Variants in CFAP157 observed in about 807,000 individuals in gnomAD.
CFAP157 encodes cilia and flagella associated protein 157, also known as cilia- and flagella-associated protein 157.
Under a neutral mutation model 57.8 loss-of-function variants are expected in CFAP157, and 43 were observed. The observed-to-expected ratio is 0.74, with a 90% CI of 0.58 to 0.96. CFAP157 has a LOEUF of 0.96. Among genes scored for constraint, CFAP157 ranks in the 40% least tolerant of loss-of-function variants. CFAP157 has a pLI of 0.00. For synonymous variants in CFAP157, 267 were observed against 269.0 expected, an observed-to-expected ratio of 0.99 and a Z score of 0.07; for missense variants, 606 against 655.3, an observed-to-expected ratio of 0.92 and a Z score of 0.82.
rs777851864 is a variant in CFAP157, at chr9:127,715,556, C to T, written c.*1651C>T. Reference sequence around the variant, plus strand: ...CCACGCCACTCACCATCCACCGCTTCCCCGGGGGGCGAGGCTCCAAAACAC... The same window carrying T: ...CCACGCCACTCACCATCCACCGCTTTCCCGGGGGGCGAGGCTCCAAAACAC... On this transcript the variant is annotated 3_prime_UTR_variant, in exon 9 of 9. Coordinates refer to ENST00000373295, the MANE Select transcript of CFAP157 (RefSeq NM_001012502.3). This position sits in a 1 kb window ranked among gnomAD's most constrained non-coding sequence, Gnocchi z 5.8. The T allele has an allele frequency of 1.9e-6, 3 of 1,613,554 alleles. No individual in the cohort carries two copies. In the South Asian group the frequency reaches 3.3e-5, roughly 18 times the overall value.
chr9:127,710,726 GAGA>G lies in CFAP157; in HGVS notation c.565_567del (p.Lys189del), dbSNP rs912623993. On this transcript the variant is annotated inframe_deletion, in exon 3 of 9. Coordinates refer to ENST00000373295, the MANE Select transcript of CFAP157 (RefSeq NM_001012502.3). Reference sequence around the variant, plus strand: ...GTTCAGGGACTATGCATACAACCTGGAGAAGAAGTCGGTGCTGGACAAGGACAG... The same window carrying G: ...GTTCAGGGACTATGCATACAACCTGGAGAAGTCGGTGCTGGACAAGGACAG... The G allele has an allele frequency of 1.2e-5, 19 of 1,569,984 alleles. No homozygotes were observed. Among genetic ancestry groups the G allele is most frequent in the South Asian group, 4.7e-5 (4 of 85,432 alleles).
chr9:127,710,477 C>A, intron 2 of CFAP157, 124 bp from the exon 3 acceptor site: 1 of 1,190,368 alleles, frequency 8.4e-7, no homozygotes, highest in Non-Finnish European at 1.2e-6. Context: ...GGTAGACCTG[C>A]CCCACTGAGA....
chr9:127,707,324 C>T (rs548536964), intron 1 of CFAP157, 132 bp downstream of exon 1: 32 of 892,902 alleles, frequency 3.6e-5, no homozygotes, highest in African/African-American at 5.1e-5. Flanking sequence ...GACCCCATCC[C>T]GACCCCAGCC....
chr9:127,709,604 A>G lies in CFAP157; in HGVS notation c.344A>G (p.Glu115Gly). ...LQNLQLAKEM[E>G]KDAFEAQLAQ... ...AACTTGCAGCTAGCCAAAGAGATGG[A>G]GAAGGATGCCTTCGAGGCGCAGCTG... is the stretch of plus-strand genomic sequence containing the variant. Residue 115 changes from glutamate (E) to glycine (G), a missense_variant, in exon 2 of 9, where the codon GAG becomes GGG. By Grantham distance (98) the Glu-to-Gly change is moderately conservative (BLOSUM62 -2). Coordinates refer to ENST00000373295, the MANE Select transcript of CFAP157 (RefSeq NM_001012502.3). The surrounding 1 kb of genome is among the most constrained non-coding windows in gnomAD (Gnocchi z 4.7). 1 of 1,614,024 alleles carries G rather than the reference A, an allele frequency of 6.2e-7. No homozygotes were observed. The highest frequency in any genetic ancestry group is 8.5e-7 in the Non-Finnish European group (1 of 1,180,024).
chr9:127,712,465 C>A, intron 6 of CFAP157, 116 bp downstream of exon 6: 1 of 1,477,404 alleles, frequency 6.8e-7, no homozygotes, highest in Non-Finnish European at 9.1e-7. Context: ...CCCTGAGAGA[C>A]TCCTGGAAAG....
chr9:127,710,733 A>G lies in CFAP157; in HGVS notation c.566A>G (p.Lys189Arg). The change falls in exon 3 of 9, where the codon AAG (lysine) becomes AGG (arginine). Residue 189 changes from lysine (K) to arginine (R), a missense_variant. Coordinates refer to ENST00000373295, the MANE Select transcript of CFAP157 (RefSeq NM_001012502.3). Reference protein sequence around the residue: ...FRDYAYNLEKKSVLDKDRLRK... With the variant: ...FRDYAYNLEKRSVLDKDRLRK... ...GACTATGCATACAACCTGGAGAAGA[A>G]GTCGGTGCTGGACAAGGACAGGTGG... The G allele has an allele frequency of 6.4e-7, 1 of 1,568,560 alleles. No individual in the cohort carries two copies. Among genetic ancestry groups the G allele is most frequent in the South Asian group, 1.2e-5 (1 of 85,292 alleles).
At position 127,714,105 on chromosome 9, in the gene CFAP157, G is replaced by A. The variant is rs1588398226; in HGVS notation, c.*200G>A. ...GGCAGCCATGGCCACTAGTGTCACG[G>A]CCCCAGTGAGGGCCCCTGGCTTCGC... On this transcript the variant is annotated 3_prime_UTR_variant, in exon 9 of 9. Coordinates refer to ENST00000373295, the MANE Select transcript of CFAP157 (RefSeq NM_001012502.3). 2 of 1,612,400 alleles carry A rather than the reference G, an allele frequency of 1.2e-6. No individual in the cohort carries two copies. Among genetic ancestry groups the A allele is most frequent in the Admixed American group, 3.3e-5 (2 of 59,798 alleles).
rs749869899 is a variant in CFAP157, at chr9:127,714,612, C to A, written c.*707C>A. ...CATCTCAGGACCTCACCTGGCACTG[C>A]CCCCCAGCTTCAGAGCCAGTCTCCC... On this transcript the variant is annotated 3_prime_UTR_variant, in exon 9 of 9. Transcript: ENST00000373295. 1.3e-5 allele frequency: 21 copies of A among 1,612,990 alleles called. No homozygotes were observed. Among genetic ancestry groups the A allele is most frequent in the Non-Finnish European group, 1.8e-5 (21 of 1,179,122 alleles).
At chr9:127,707,298 T>A (rs575781726) in intron 1 of CFAP157, 106 bp downstream of exon 1, 1 of 1,221,926 alleles carries the variant, frequency 8.2e-7, no homozygotes, top group Non-Finnish European at 1.1e-6. Flanking sequence ...TGTTCTGACC[T>A]CCCCTGGGAT....
At chr9:127,711,639 G>A in intron 4 of CFAP157, 143 bp downstream of exon 4, 1 of 1,202,758 alleles carries the variant, frequency 8.3e-7, no homozygotes, top group Non-Finnish European at 1.1e-6. Context: ...TGTGGGGGCT[G>A]CAGGGTGCTG....
chr9:127,711,990 C>CT, intron 5 of CFAP157, 40 bp downstream of exon 5: 2 of 1,578,718 alleles, frequency 1.3e-6, no homozygotes, highest in South Asian at 2.3e-5. Flanking sequence ...CGGGTGCAGG[C>CT]TGGGGCCAAG....
chr9:127,714,208 G>A lies in CFAP157; in HGVS notation c.*303G>A. On this transcript the variant is annotated 3_prime_UTR_variant, in exon 9 of 9. Coordinates refer to ENST00000373295, the MANE Select transcript of CFAP157 (RefSeq NM_001012502.3). ...GCAGCTCCTGCTCAGCAGGGGAGAA[G>A]CAGCCCAGCACATGGGCCTGAACCG... 1.2e-6 allele frequency: 2 copies of A among 1,613,970 alleles called. No individual in the cohort carries two copies. Among genetic ancestry groups the A allele is most frequent in the Non-Finnish European group, 1.7e-6 (2 of 1,180,010 alleles).
Position 127,715,972 on chromosome 9 carries a change from C to G in CFAP157, c.*2067C>G. The G allele has an allele frequency of 1.1e-6, 1 of 947,294 alleles. No individual in the cohort carries two copies. The highest frequency in any genetic ancestry group is 1.6e-6 in the Non-Finnish European group (1 of 619,262). 58.7% of individuals were successfully genotyped at this position (947,294 alleles called of 1,614,324 possible). On this transcript the variant is annotated 3_prime_UTR_variant, in exon 9 of 9. Transcript: ENST00000373295. The surrounding 1 kb of genome is among the most constrained non-coding windows in gnomAD (Gnocchi z 5.8). Reference sequence around the variant, plus strand: ...GTCCTTTCCCCGCTGTAGGCCTCAACCTCTCCAGCTAATAAAAGTTTTCTA... The same window carrying G: ...GTCCTTTCCCCGCTGTAGGCCTCAAGCTCTCCAGCTAATAAAAGTTTTCTA...
At chr9:127,708,359 C>G (rs1442404487) in intron 1 of CFAP157, among the ~76,000 whole-genome samples, 1 of 152,110 alleles carries the variant, frequency 6.6e-6, no homozygotes, top group Non-Finnish European at 1.5e-5. Flanking sequence ...CGCCTGTAAT[C>G]CCAGCTACTC....
rs1842966794 is a variant in CFAP157 at position 127,715,814 on chromosome 9, G to C, written c.*1909G>C. On this transcript the variant is annotated 3_prime_UTR_variant, in exon 9 of 9. Transcript: ENST00000373295. The surrounding 1 kb of genome is among the most constrained non-coding windows in gnomAD (Gnocchi z 5.8). Reference sequence around the variant, plus strand: ...GGTGGCCGAGTCCGGGAACCCAGGCGCCTTCAGTAGCGCGGCGTCACAGTG... The same window carrying C: ...GGTGGCCGAGTCCGGGAACCCAGGCCCCTTCAGTAGCGCGGCGTCACAGTG... The C allele has an allele frequency of 3.2e-5, 40 of 1,254,248 alleles. No homozygotes were observed. The South Asian group carries it at 5.3e-4, about 17-fold the overall frequency. 77.7% of individuals were successfully genotyped at this position (1,254,248 alleles called of 1,614,324 possible).
At chr9:127,707,214 AG>A in intron 1 of CFAP157, 22 bp downstream of exon 1, 1 of 1,604,646 alleles carries the variant, frequency 6.2e-7, no homozygotes, top group Non-Finnish European at 8.5e-7. Flanking sequence ...GGCGGGCAGG[AG>A]TCTGGTGCCC....
Position 127,713,947 on chromosome 9 carries a change from G to A in CFAP157, c.*42G>A, listed in dbSNP as rs1842831729. 6.3e-7 allele frequency: 1 copy of A among 1,593,852 alleles called. No homozygotes were observed. The highest frequency in any genetic ancestry group is 8.6e-7 in the Non-Finnish European group (1 of 1,161,876). On this transcript the variant is annotated 3_prime_UTR_variant, in exon 9 of 9. Transcript: ENST00000373295. ...CCTACTCCAGAAATGGACTGGTCCA[G>A]TCACAGTCACCCCCACTTTAATCCG...
intron 1 of CFAP157, among the ~76,000 whole-genome samples, chr9:127,708,531 G>A (rs1053522092): frequency 6.6e-6 from 1 of 152,094 alleles, no homozygotes; most frequent in African/African-American, 2.4e-5. Context: ...AGTAACTTCA[G>A]TTACTCCATT....
At chr9:127,711,117 A>T in intron 3 of CFAP157, 112 bp from the exon 4 acceptor site, 4 of 1,298,078 alleles carry the variant, frequency 3.1e-6, no homozygotes, top group Non-Finnish European at 4.2e-6. Context: ...TCCCAGGGAG[A>T]GAGCATGCTG....
Sources: gnomAD v4.1 joint callset for allele counts (sites outside exome capture counted in the v4.1 genomes callset) on GRCh38, gnomAD v4.1.1 for gene constraint, Gnocchi (gnomAD v3.1) non-coding constraint, MANE v1.5 for transcripts, NCBI Gene and HGNC (gene_info 2026-07-23, HGNC 2026-07-21) for gene names.